Variants in TARS1 observed in about 807,000 individuals in gnomAD.
TARS1 encodes threonine--tRNA ligase 1, cytoplasmic.
A neutral mutation model predicts 97.7 loss-of-function variants in TARS1; 57 were observed. The ratio of observed to expected loss-of-function variants is 0.58; its 90% CI spans 0.47 to 0.73. The LOEUF is 0.73. Among genes scored for constraint, TARS1 ranks in the 30% least tolerant of loss-of-function variants. TARS1 has a pLI of 0.00. For missense variants in TARS1, 806 were observed against 888.3 expected, an observed-to-expected ratio of 0.91 and a Z score of 1.18; for synonymous variants, 312 against 293.7, an observed-to-expected ratio of 1.06 and a Z score of -0.64.
chr5:33,453,457 A>C, intron 4 of TARS1, 45 bp downstream of exon 4: 1 of 1,609,298 alleles, frequency 6.2e-7, no homozygotes, highest in Non-Finnish European at 8.5e-7. Flanking sequence ...ATGCAGATTC[A>C]CATTTGAAGT....
rs201833764 is a variant in TARS1 at position 33,448,589 on chromosome 5, A to G, written c.187A>G (p.Ile63Val). The part of the protein sequence containing the change: ...YIYTRLEMYN[I>V]LKAEHDSILA... ...TTACACACGTCTTGAGATGTATAAT[A>G]TACTAAAAGCAGAACATGATTCCAT... is the stretch of plus-strand genomic sequence containing the variant. Residue 63 changes from isoleucine (I) to valine (V), a missense_variant, in exon 3 of 19, where the codon ATA (isoleucine) becomes GTA (valine). Ile to Val is a conservative substitution (Grantham distance 29, BLOSUM62 3). Transcript: ENST00000265112. 5 of 1,613,138 alleles carry G rather than the reference A, an allele frequency of 3.1e-6. No individual in the cohort carries two copies. The highest frequency in any genetic ancestry group is 4.2e-6 in the Non-Finnish European group (5 of 1,179,540).
At chr5:33,451,953 A>G (rs956385836) in intron 3 of TARS1, among the ~76,000 whole-genome samples, 1 of 152,196 alleles carries the variant, frequency 6.6e-6, no homozygotes, top group Non-Finnish European at 1.5e-5. Flanking sequence ...AAATGCATGT[A>G]TTTATTTTAT....
chr5:33,461,664 C>T lies in TARS1; in HGVS notation c.1552-3C>T, dbSNP rs1742298328. The T allele has an allele frequency of 6.2e-7, 1 of 1,612,210 alleles. No homozygotes were observed. The highest frequency in any genetic ancestry group is 8.5e-7 in the Non-Finnish European group (1 of 1,179,532). On this transcript the variant is annotated splice_polypyrimidine_tract_variant and splice_region_variant and intron_variant, in intron 13 of 18. Transcript: ENST00000265112. Reference sequence around the variant, plus strand: ...AATAAAAATCATTTTGCTTTATCCTCAGCAACTTGAAAACAGTCTGAATGA... The same window carrying T: ...AATAAAAATCATTTTGCTTTATCCTTAGCAACTTGAAAACAGTCTGAATGA...
chr5:33,443,320 C>CCTCTCTCTCTCTCTCTCTCTCTCTCT lies in TARS1; in HGVS notation c.58-1988_58-1963dup, dbSNP rs769681224. 1.0e-4 allele frequency among the ~76,000 whole-genome samples: 12 copies of CCTCTCTCTCTCTCTCTCTCTCTCTCT among 118,504 alleles called. 1 individual carries two copies. The highest frequency in any genetic ancestry group is 2.8e-4 in the East Asian group (1 of 3,590). 77.7% of individuals were successfully genotyped at this position (118,504 alleles called of 152,430 possible). ...TGTGGTGATTCCCTCTCTCTCTCTC[C>CCTCTCTCTCTCTCTCTCTCTCTCTCT]CTCTCTCTCTCTCTCTCTCTCTCTC... On this transcript the variant is annotated intron_variant, in intron 1 of 18. Transcript: ENST00000265112.
chr5:33,454,808 T>C, intron 4 of TARS1, 137 bp from the exon 5 acceptor site: 2 of 1,091,332 alleles, frequency 1.8e-6, no homozygotes, highest in Middle Eastern at 5.8e-4. Flanking sequence ...CAGTAGTTTA[T>C]AGATTTAGAA....
At chr5:33,456,299 T>C in intron 8 of TARS1, 72 bp downstream of exon 8, 1 of 1,214,984 alleles carries the variant, frequency 8.2e-7, no homozygotes, top group South Asian at 1.3e-5. Flanking sequence ...TTTCACTGAT[T>C]TCTCTTTACC....
chr5:33,456,698 A>G (rs921604304), intron 8 of TARS1, among the ~76,000 whole-genome samples: 1 of 151,564 alleles, frequency 6.6e-6, no homozygotes, highest in African/African-American at 2.4e-5. Flanking sequence ...ATTTTTGCTC[A>G]TTTTGTGAGA....
intron 18 of TARS1, 139 bp downstream of exon 18, chr5:33,467,124 T>A: frequency 3.1e-6 from 1 of 320,488 alleles, no homozygotes; most frequent in Non-Finnish European, 5.7e-6. Flanking sequence ...TTATATATTT[T>A]AATATATAAT....
At chr5:33,458,702 A>G in intron 10 of TARS1, 38 bp downstream of exon 10, 4 of 1,477,420 alleles carry the variant, frequency 2.7e-6, no homozygotes, top group Non-Finnish European at 3.7e-6. Context: ...TAGATTTAGG[A>G]TATGTGATCA....
Position 33,449,031 on chromosome 5 carries a change from C to T in TARS1, c.329+300C>T, listed in dbSNP as rs563058561. ...CCGACTAGACAGTGTTTACCTATTTCGACTTAAATGTCTTGGTTTTGAAGT... is the reference window on the plus strand; with the variant it reads ...CCGACTAGACAGTGTTTACCTATTTTGACTTAAATGTCTTGGTTTTGAAGT... On this transcript the variant is annotated intron_variant, in intron 3 of 18. Transcript: ENST00000265112. Among the ~76,000 whole-genome samples, 160 of 152,122 alleles carry T rather than the reference C, an allele frequency of 1.1e-3. 1 individual carries two copies. The highest frequency in any genetic ancestry group is 3.5e-3 in the African/African-American group (147 of 41,488).
At chr5:33,445,585 T>C (rs1741373480) in intron 2 of TARS1, among the ~76,000 whole-genome samples, 181 bp downstream of exon 2, 1 of 152,216 alleles carries the variant, frequency 6.6e-6, no homozygotes, top group African/African-American at 2.4e-5. Flanking sequence ...AAAAAGACTT[T>C]CAGTTGTTAC....
chr5:33,454,019 C>T (rs931187101), intron 4 of TARS1, among the ~76,000 whole-genome samples: 3 of 152,124 alleles, frequency 2.0e-5, no homozygotes, highest in Non-Finnish European at 4.4e-5. Context: ...TGTGCCTGGC[C>T]TCTAAGCTAT....
intron 17 of TARS1, among the ~76,000 whole-genome samples, chr5:33,464,582 AC>A (rs746009984): frequency 2.6e-5 from 4 of 152,260 alleles, no homozygotes; most frequent in Non-Finnish European, 2.9e-5. Context: ...ATGTCTTCAG[AC>A]CATCAGAATA....
intron 1 of TARS1, among the ~76,000 whole-genome samples, chr5:33,442,877 G>A (rs920825548): frequency 3.3e-5 from 5 of 152,156 alleles, no homozygotes; most frequent in East Asian, 1.9e-4. Context: ...GAAAGCAGGC[G>A]TAGGAACAGT....
At chr5:33,459,400 A>C (rs1026845319) in intron 10 of TARS1, among the ~76,000 whole-genome samples, 1 of 152,322 alleles carries the variant, frequency 6.6e-6, no homozygotes, top group East Asian at 1.9e-4. Context: ...TTCACTTGCT[A>C]CATATTATTT....
chr5:33,466,939 T>A lies in TARS1; in HGVS notation c.1977T>A (p.Asn659Lys). The stretch of plus-strand genomic sequence containing the variant: ...ATCTGGATCCAGGCTGTACATTGAA[T>A]AAAAAGATTCGAAATGCACAGTTAG... ...DIDLDPGCTL[N>K]KKIRNAQLAQ... Residue 659 changes from asparagine (N) to lysine (K), a missense_variant, in exon 18 of 19, where the codon AAT becomes AAA. Physicochemically the swap from Asn to Lys is moderately conservative, Grantham distance 94. Around this residue, in one of 3 missense-constraint regions of TARS1, gnomAD observed 446 missense variants for 511.0 expected, o/e 0.87. Transcript: ENST00000265112. 3 of 1,605,666 alleles carry A rather than the reference T, an allele frequency of 1.9e-6. No individual in the cohort carries two copies. The highest frequency in any genetic ancestry group is 1.3e-5 in the African/African-American group (1 of 74,384).
At chr5:33,459,171 G>GTA (rs950812456) in intron 10 of TARS1, among the ~76,000 whole-genome samples, 2 of 151,774 alleles carry the variant, frequency 1.3e-5, no homozygotes, top group African/African-American at 4.8e-5. Context: ...CCATATACTG[G>GTA]TATATATATC....
At chr5:33,467,152 C>T (rs1057343979) in intron 18 of TARS1, among the ~76,000 whole-genome samples, 167 bp downstream of exon 18, 3 of 135,786 alleles carry the variant, frequency 2.2e-5, no homozygotes, top group African/African-American at 8.4e-5. Context: ...AAAATAGGCT[C>T]ATGCATACAT....
chr5:33,462,717 A>G (rs1244964300), intron 16 of TARS1, among the ~76,000 whole-genome samples: 3 of 152,206 alleles, frequency 2.0e-5, no homozygotes, highest in African/African-American at 7.2e-5. Flanking sequence ...TTTCCAAGAT[A>G]CATGGCCACA....
Sources: allele counts gnomAD v4.1 joint callset (sites outside exome capture counted in the v4.1 genomes callset), GRCh38; gene constraint gnomAD v4.1.1; regional missense constraint gnomAD v4.1.1; transcripts MANE v1.5; gene names NCBI Gene and HGNC (gene_info 2026-07-23, HGNC 2026-07-21).